The following GDA variants were observed in gnomAD, a reference collection of about 807,000 sequenced individuals.
GDA encodes the protein cytoplasmic PSD-95 interactor.
In GDA, 18 loss-of-function variants were observed where a neutral mutation model predicts 59.6. The ratio of observed to expected loss-of-function variants is 0.30; its 90% CI spans 0.21 to 0.45. The LOEUF is 0.45. GDA is among the 20% of genes least tolerant of loss of function. The pLI is 1.00. For missense variants in GDA, 427 were observed against 552.3 expected (o/e 0.77, Z 2.27); for synonymous variants, 201 against 201.1 (o/e 1.00, Z 0.00).
At chr9:72,156,920 T>A (rs1420197790) in intron 1 of GDA, among the ~76,000 whole-genome samples, 1 of 152,086 alleles carries the variant, frequency 6.6e-6, no homozygotes, top group Non-Finnish European at 1.5e-5. Context: ...CATGTGAGAC[T>A]GTGAGGAAAA....
intron 1 of GDA, among the ~76,000 whole-genome samples, chr9:72,180,407 T>A (rs1292793814): frequency 6.6e-6 from 1 of 151,378 alleles, no homozygotes; most frequent in Non-Finnish European, 1.5e-5. Flanking sequence ...GTGTAGGGAG[T>A]ACTTTTGTGT....
At chr9:72,145,891 T>C (rs1406289368), upstream of GDA, among the ~76,000 whole-genome samples, 3 of 152,230 alleles carry the variant, frequency 2.0e-5, no homozygotes, top group Admixed American at 6.5e-5. Context: ...GACTAAAATA[T>C]AGGCACTAGA....
chr9:72,143,741 T>C (rs999472044), intron 1 of GDA, among the ~76,000 whole-genome samples: 1 of 152,210 alleles, frequency 6.6e-6, no homozygotes, highest in Middle Eastern at 3.2e-3. Flanking sequence ...TCCCTACTTT[T>C]CTCATCTACA....
intron 11 of GDA, among the ~76,000 whole-genome samples, chr9:72,242,252 A>G (rs1294656014): frequency 2.0e-5 from 3 of 152,172 alleles, no homozygotes; most frequent in Admixed American, 2.0e-4. Context: ...TGGTTCATAT[A>G]CTTAAGTACA....
intron 5 of GDA, among the ~76,000 whole-genome samples, chr9:72,219,187 C>T (rs987243509): frequency 6.6e-6 from 1 of 152,004 alleles, no homozygotes; most frequent in Non-Finnish European, 1.5e-5. Context: ...GGCGGATCAC[C>T]AGGTCAGGAG....
At chr9:72,212,819 A>C (rs1190893512) in intron 4 of GDA, among the ~76,000 whole-genome samples, 1 of 152,120 alleles carries the variant, frequency 6.6e-6, no homozygotes, top group East Asian at 1.9e-4. Context: ...GGGGTAGAAG[A>C]AGCTGAGTGT....
Position 72,249,021 on chromosome 9 carries a change from G to C in GDA, c.*679G>C. ...ACATGCTTTCATAATATAGTTTTGT[G>C]CTTCAAAGTGTTTGACAGAAGTTGG... On this transcript the variant is annotated 3_prime_UTR_variant, in exon 14 of 14. Transcript: ENST00000358399. 2 of 985,354 alleles carry C rather than the reference G, an allele frequency of 2.0e-6. No homozygotes were observed. Among genetic ancestry groups the C allele is most frequent in the Non-Finnish European group, 2.4e-6 (2 of 829,510 alleles). 61.0% of individuals were successfully genotyped at this position (985,354 alleles called of 1,614,324 possible).
chr9:72,233,322 G>T (rs993045614), intron 10 of GDA, among the ~76,000 whole-genome samples: 4 of 152,238 alleles, frequency 2.6e-5, no homozygotes, highest in Admixed American at 2.6e-4. Context: ...CAAACAATAA[G>T]AATGTGAACA....
chr9:72,244,491 A>G (rs1295835331), intron 11 of GDA, among the ~76,000 whole-genome samples: 4 of 152,222 alleles, frequency 2.6e-5, no homozygotes, highest in Admixed American at 1.3e-4. Context: ...TCTGGTGACC[A>G]GAAAACCTTT....
intron 7 of GDA, among the ~76,000 whole-genome samples, chr9:72,224,154 A>G (rs922447503): frequency 6.6e-6 from 1 of 152,252 alleles, no homozygotes; most frequent in Admixed American, 6.5e-5. Flanking sequence ...TAAAATACAC[A>G]TGAACATTTA....
chr9:72,250,584 C>T lies in GDA; in HGVS notation c.*2242C>T. 1 of 1,489,788 alleles carries T rather than the reference C, an allele frequency of 6.7e-7. No individual in the cohort carries two copies. Among genetic ancestry groups the T allele is most frequent in the Non-Finnish European group, 8.9e-7 (1 of 1,127,402 alleles). The allele number at this position is 1,489,788 out of a possible 1,614,324, so 92.3% of individuals were successfully genotyped here. A position where few individuals can be genotyped will look rare whatever the true frequency, so the allele number is the denominator to read the frequency against. ...GCGGTGTTCCTGAATGTTATGTATG[C>T]TTTTTTTTCTGTACCACAGGCATTA... is the stretch of plus-strand genomic sequence containing the variant. On this transcript the variant is annotated 3_prime_UTR_variant, in exon 14 of 14. Coordinates refer to ENST00000358399, the MANE Select transcript of GDA (RefSeq NM_004293.5).
chr9:72,211,052 G>T (rs1303987493), intron 4 of GDA, among the ~76,000 whole-genome samples: 1 of 152,128 alleles, frequency 6.6e-6, no homozygotes, highest in Non-Finnish European at 1.5e-5. Context: ...TGATATATAT[G>T]AGTCTGAATT....
At chr9:72,259,798 T>C (rs1197776205), downstream of GDA, among the ~76,000 whole-genome samples, 1 of 152,200 alleles carries the variant, frequency 6.6e-6, no homozygotes, top group African/African-American at 2.4e-5. Context: ...CTGATTATAC[T>C]AGTTGATCAA....
intron 1 of GDA, among the ~76,000 whole-genome samples, chr9:72,171,662 T>C (rs1469160897): frequency 6.6e-6 from 1 of 152,172 alleles, no homozygotes; most frequent in African/African-American, 2.4e-5. Flanking sequence ...TAGAATCTCT[T>C]TTTTTCTTCC....
chr9:72,143,569 AG>A (rs1312821372), intron 1 of GDA, among the ~76,000 whole-genome samples: 1 of 152,234 alleles, frequency 6.6e-6, no homozygotes, highest in East Asian at 1.9e-4. Flanking sequence ...AAAACCTTCC[AG>A]CCAGAAAAAT....
intron 11 of GDA, among the ~76,000 whole-genome samples, chr9:72,242,433 G>A (rs909146701): frequency 1.3e-5 from 2 of 152,154 alleles, no homozygotes; most frequent in African/African-American, 4.8e-5. Flanking sequence ...TAATCAGAAT[G>A]GATGATAGTG....
chr9:72,116,745 C>T (rs1046423563), intron 1 of GDA, among the ~76,000 whole-genome samples: 1 of 152,028 alleles, frequency 6.6e-6, no homozygotes, highest in Admixed American at 6.6e-5. Context: ...TTATATAGAA[C>T]TAAAAATATA....
chr9:72,169,614 T>C (rs760830930), intron 1 of GDA, among the ~76,000 whole-genome samples: 6 of 152,222 alleles, frequency 3.9e-5, no homozygotes, highest in Admixed American at 2.0e-4. Context: ...TAAATCAAAC[T>C]GTGGACTAAA....
intron 3 of GDA, 86 bp downstream of exon 3, chr9:72,202,828 A>T: frequency 9.2e-7 from 1 of 1,088,782 alleles, no homozygotes; most frequent in Non-Finnish European, 1.3e-6. Flanking sequence ...ATTATAAAGC[A>T]TAAGCAGTTA....
Sources: allele counts gnomAD v4.1 joint callset (sites outside exome capture counted in the v4.1 genomes callset), GRCh38; gene constraint gnomAD v4.1.1; transcripts MANE v1.5; gene names NCBI Gene and HGNC (gene_info 2026-07-23, HGNC 2026-07-21).